The following MKLN1 variants were observed in gnomAD, a reference collection of about 807,000 sequenced individuals.
The protein encoded by MKLN1 is muskelin 1, also known as muskelin.
Under a neutral mutation model 99.0 loss-of-function variants are expected in MKLN1, and 18 were observed. The observed-to-expected ratio is 0.18, with a 90% CI of 0.13 to 0.27. The LOEUF (loss-of-function observed/expected upper bound fraction) is 0.27. MKLN1 is among the 10% of genes least tolerant of loss of function. MKLN1 has a pLI of 1.00. For missense variants in MKLN1, 621 were observed against 875.9 expected (o/e 0.71, Z 3.67); for synonymous variants, 288 against 293.2 (o/e 0.98, Z 0.18).
chr7:131,396,112 G>A (rs187330979), intron 4 of MKLN1, among the ~76,000 whole-genome samples: 21 of 151,716 alleles, frequency 1.4e-4, no homozygotes, highest in Non-Finnish European at 2.1e-4. Flanking sequence ...TTATTCTGTC[G>A]CCCAGGCTGG....
intron 17 of MKLN1, among the ~76,000 whole-genome samples, chr7:131,486,359 C>T (rs1293963077): frequency 1.3e-5 from 2 of 151,994 alleles, no homozygotes; most frequent in African/African-American, 4.8e-5. Flanking sequence ...TTTCCATGAT[C>T]CGATAGTGGG....
At chr7:131,242,718 G>C in intron 3 of MKLN1, 1 of 685,976 alleles carries the variant, frequency 1.5e-6, no homozygotes. Context: ...CCATGCTCTG[G>C]TGGCTGGAAT....
intron 11 of MKLN1, among the ~76,000 whole-genome samples, chr7:131,445,187 G>T (rs1342618812): frequency 6.6e-6 from 1 of 151,752 alleles, no homozygotes; most frequent in African/African-American, 2.4e-5. Context: ...ATACAGATAG[G>T]TTTATTTGTT....
At chr7:131,372,777 T>G (rs1195832913) in intron 1 of MKLN1, among the ~76,000 whole-genome samples, 1 of 151,570 alleles carries the variant, frequency 6.6e-6, no homozygotes, top group Non-Finnish European at 1.5e-5. Flanking sequence ...TTCTGAGGCT[T>G]TAGCATATGG....
chr7:131,256,856 T>C (rs1797665134), intron 3 of MKLN1, among the ~76,000 whole-genome samples: 1 of 152,196 alleles, frequency 6.6e-6, no homozygotes, highest in Non-Finnish European at 1.5e-5. Flanking sequence ...TCAGGTACTA[T>C]GTTCAACTCC....
chr7:131,274,696 G>T (rs1263678175), intron 3 of MKLN1, among the ~76,000 whole-genome samples: 1 of 149,828 alleles, frequency 6.7e-6, no homozygotes, highest in African/African-American at 2.5e-5. Flanking sequence ...CTCAGTCCCT[G>T]ATGAGTGTCT....
intron 12 of MKLN1, among the ~76,000 whole-genome samples, chr7:131,453,567 G>T (rs1047037781): frequency 2.0e-5 from 3 of 152,024 alleles, no homozygotes; most frequent in Non-Finnish European, 4.4e-5. Context: ...GGAAAATCTG[G>T]ATCCCTACTT....
chr7:131,141,796 C>G (rs1795737014), intron 1 of MKLN1, among the ~76,000 whole-genome samples: 1 of 152,200 alleles, frequency 6.6e-6, no homozygotes, highest in African/African-American at 2.4e-5. Context: ...TAACACGCTT[C>G]TCTATCACAG....
chr7:131,305,115 A>G (rs1466429852), intron 3 of MKLN1, among the ~76,000 whole-genome samples: 1 of 152,204 alleles, frequency 6.6e-6, no homozygotes, highest in African/African-American at 2.4e-5. Flanking sequence ...TGGACTTCCA[A>G]CCACCAGAAC....
intron 1 of MKLN1, among the ~76,000 whole-genome samples, chr7:131,113,793 C>T (rs1034853957): frequency 2.6e-5 from 4 of 152,176 alleles, no homozygotes; most frequent in East Asian, 1.9e-4. Flanking sequence ...CACTGTGCTC[C>T]GGCCTGGGGA....
Position 131,165,940 on chromosome 7 carries a change from C to T in MKLN1, c.-297+22999C>T, listed in dbSNP as rs372245165. Among the ~76,000 whole-genome samples, 24 of 152,220 alleles carry T rather than the reference C, an allele frequency of 1.6e-4. No homozygotes were observed. In the East Asian group the frequency reaches 2.1e-3, roughly 13 times the overall value. The stretch of plus-strand genomic sequence containing the variant: ...GACTAGCCGGGGCAACATGGCGAAA[C>T]CCCATCTCTACAAAAAATACAAATG... On this transcript the variant is annotated intron_variant, in intron 2 of 7. Coordinates refer to the MKLN1 transcript ENST00000416992.
chr7:131,384,079 A>G (rs1022843293), intron 2 of MKLN1, among the ~76,000 whole-genome samples: 2 of 151,984 alleles, frequency 1.3e-5, no homozygotes, highest in Non-Finnish European at 1.5e-5. Context: ...TTTTCAACAC[A>G]TACCATTTTC....
intron 3 of MKLN1, among the ~76,000 whole-genome samples, chr7:131,215,383 T>C (rs1184373539): frequency 6.6e-6 from 1 of 152,208 alleles, no homozygotes; most frequent in African/African-American, 2.4e-5. Context: ...TCTCAGGCTA[T>C]TGCCCAGCCT....
chr7:131,340,318 G>A (rs544328506), intron 1 of MKLN1, among the ~76,000 whole-genome samples: 41 of 119,332 alleles, frequency 3.4e-4, no homozygotes, highest in Admixed American at 9.8e-4. Flanking sequence ...TCGCTTTGTC[G>A]CCCAGGCTGG....
At chr7:131,372,830 A>C (rs575970038) in intron 1 of MKLN1, among the ~76,000 whole-genome samples, 5 of 151,758 alleles carry the variant, frequency 3.3e-5, no homozygotes, top group Non-Finnish European at 7.4e-5. Context: ...CCTTGGGTTC[A>C]AATCCTTACT....
At chr7:131,243,485 C>T (rs28709789) in intron 3 of MKLN1, among the ~76,000 whole-genome samples, 10,557 of 152,226 alleles carry the variant, frequency 0.069, 433 homozygotes, top group Non-Finnish European at 0.084. Flanking sequence ...GTTTTATTTT[C>T]ATCATAATCC....
At chr7:131,156,157 C>CA (rs1795960139) in intron 2 of MKLN1, among the ~76,000 whole-genome samples, 1 of 151,764 alleles carries the variant, frequency 6.6e-6, no homozygotes, top group Non-Finnish European at 1.5e-5. Context: ...ATTTTAATAG[C>CA]AAAAAATGCA....
chr7:131,215,105 C>T (rs901278581), intron 3 of MKLN1, among the ~76,000 whole-genome samples: 30 of 152,156 alleles, frequency 2.0e-4, no homozygotes, highest in Admixed American at 1.3e-4. Flanking sequence ...GGAGTGCAGT[C>T]GCTTGATCTC....
At chr7:131,259,536 A>G (rs1464988551) in intron 3 of MKLN1, among the ~76,000 whole-genome samples, 3 of 152,104 alleles carry the variant, frequency 2.0e-5, no homozygotes, top group African/African-American at 7.2e-5. Context: ...TTTAACATTC[A>G]CCTCTAAAAC....
Sources: gnomAD v4.1 joint callset for allele counts (sites outside exome capture counted in the v4.1 genomes callset) on GRCh38, gnomAD v4.1.1 for gene constraint, MANE v1.5 for transcripts, NCBI Gene and HGNC (gene_info 2026-07-23, HGNC 2026-07-21) for gene names.